Variants in LAMA3 observed in about 807,000 individuals in gnomAD.
LAMA3 encodes laminin subunit alpha 3.
A neutral mutation model predicts 402.0 loss-of-function variants in LAMA3; 281 were observed. That is an observed-to-expected ratio of 0.70 (90% confidence interval 0.63 to 0.77). LAMA3 has a LOEUF of 0.77. LAMA3 is among the 30% of genes least tolerant of loss of function. LAMA3 has a pLI of 0.00. For synonymous variants in LAMA3, 1,431 were observed against 1,558.4 expected (o/e 0.92, Z 1.93); for missense variants, 3,840 against 4,215.5 (o/e 0.91, Z 2.47).
At chr18:23,826,061 C>G (rs2063376493) in intron 21 of LAMA3, among the ~76,000 whole-genome samples, 1 of 152,200 alleles carries the variant, frequency 6.6e-6, no homozygotes, top group South Asian at 2.1e-4. Context: ...TCCCCTCTTC[C>G]CTCTGCAGAT....
chr18:23,816,301 G>C, intron 17 of LAMA3, 87 bp from the exon 18 acceptor site: 1 of 937,958 alleles, frequency 1.1e-6, no homozygotes, highest in Non-Finnish European at 1.7e-6. Context: ...TCACTGGGAT[G>C]GTCAGTTTTC....
intron 32 of LAMA3, among the ~76,000 whole-genome samples, chr18:23,851,138 G>A (rs2144662126): frequency 6.6e-6 from 1 of 152,336 alleles, no homozygotes; most frequent in South Asian, 2.1e-4. Context: ...ACTTGGAGAG[G>A]CAATTTCTTT....
chr18:23,806,366 C>G lies in LAMA3; in HGVS notation c.1604-4000C>G, dbSNP rs140766603. 9.1e-3 allele frequency among the ~76,000 whole-genome samples: 1,390 copies of G among 152,290 alleles called. 9 individuals are homozygous for G. Among genetic ancestry groups the G allele is most frequent in the South Asian group, 0.029 (138 of 4,830 alleles). ...AAGTGTAGCGCACCTTCTCATGGGT[C>G]ATACTTTGTACTTCACCTTTCAGGG... On this transcript the variant is annotated intron_variant, in intron 12 of 74. Coordinates refer to ENST00000313654, the MANE Select transcript of LAMA3 (RefSeq NM_198129.4).
intron 12 of LAMA3, among the ~76,000 whole-genome samples, chr18:23,790,213 T>C (rs780708942): frequency 2.6e-5 from 4 of 152,196 alleles, no homozygotes; most frequent in Non-Finnish European, 5.9e-5. Context: ...AGGGCTATTC[T>C]TCTAAGGCTG....
chr18:23,878,760 A>G (rs12953820), intron 39 of LAMA3, among the ~76,000 whole-genome samples: 72,086 of 152,130 alleles, frequency 0.47, 19,266 homozygotes, highest in Non-Finnish European at 0.62. Flanking sequence ...CCCAGGTGCA[A>G]ATCTTCAAGA....
intron 62 of LAMA3, among the ~76,000 whole-genome samples, chr18:23,927,527 C>G (rs1384935997): frequency 6.6e-6 from 1 of 152,128 alleles, no homozygotes; most frequent in Non-Finnish European, 1.5e-5. Context: ...GTGGTAGATA[C>G]AGCAGCATAT....
intron 67 of LAMA3, among the ~76,000 whole-genome samples, chr18:23,937,672 C>T (rs111270239): frequency 3.3e-5 from 5 of 152,130 alleles, no homozygotes; most frequent in African/African-American, 1.2e-4. Flanking sequence ...GGAGAAGACT[C>T]CAGAGAGGGA....
chr18:23,931,048 T>C lies in LAMA3; in HGVS notation c.8437-14T>C, dbSNP rs1161305155. 6.2e-7 allele frequency: 1 copy of C among 1,611,018 alleles called. No homozygotes were observed. Among genetic ancestry groups the C allele is most frequent in the Non-Finnish European group, 8.5e-7 (1 of 1,177,140 alleles). On this transcript the variant is annotated splice_polypyrimidine_tract_variant and intron_variant, in intron 64 of 74. Coordinates refer to ENST00000313654, the MANE Select transcript of LAMA3 (RefSeq NM_198129.4). The stretch of plus-strand genomic sequence containing the variant: ...TGCAAATTAGTTGATGGGTATTTTC[T>C]ATGGTGATTTCAGACAAGGAACCTG...
intron 1 of LAMA3, among the ~76,000 whole-genome samples, chr18:23,696,661 C>T (rs879462322): frequency 2.4e-4 from 36 of 152,188 alleles, no homozygotes; most frequent in Middle Eastern, 6.8e-3. Flanking sequence ...TGAACACGCC[C>T]GGCTAATTTT....
chr18:23,888,544 G>C (rs189707755), intron 41 of LAMA3, among the ~76,000 whole-genome samples: 9 of 152,052 alleles, frequency 5.9e-5, no homozygotes, highest in African/African-American at 2.2e-4. Context: ...TGGGGGCTGT[G>C]GGGGGGACCG....
At chr18:23,920,825 C>T in intron 60 of LAMA3, 110 bp from the exon 61 acceptor site, 1 of 1,305,736 alleles carries the variant, frequency 7.7e-7, no homozygotes. Context: ...TTCACTGAGG[C>T]AGCAGCTGAA....
chr18:23,774,553 G>T (rs2062272579), intron 9 of LAMA3, among the ~76,000 whole-genome samples: 3 of 152,166 alleles, frequency 2.0e-5, no homozygotes, highest in African/African-American at 7.2e-5. Context: ...CTATTATACA[G>T]AAGAATGCCT....
chr18:23,803,752 A>C (rs1436684868), intron 12 of LAMA3, among the ~76,000 whole-genome samples: 1 of 152,228 alleles, frequency 6.6e-6, no homozygotes, highest in East Asian at 1.9e-4. Flanking sequence ...GATGTCCCAG[A>C]AAGGCACAAA....
intron 70 of LAMA3, among the ~76,000 whole-genome samples, chr18:23,949,095 T>C (rs1281504646): frequency 7.9e-5 from 12 of 152,174 alleles, no homozygotes; most frequent in Non-Finnish European, 1.8e-4. Context: ...AGCCTGTTCC[T>C]GGGCCCCAGG....
chr18:23,797,887 C>T (rs2062796726), intron 12 of LAMA3, among the ~76,000 whole-genome samples: 1 of 151,936 alleles, frequency 6.6e-6, no homozygotes, highest in Non-Finnish European at 1.5e-5. Context: ...CTGAAGTGCC[C>T]TATGGTTTTC....
At position 23,814,615 on chromosome 18, in the gene LAMA3, G is replaced by A. The variant is rs9304386; in HGVS notation, c.1888+113G>A. The A allele has an allele frequency of 0.04, 29,517 of 744,722 alleles. 1,841 individuals carry two copies. Among genetic ancestry groups the A allele is most frequent in the Admixed American group, 0.22 (10,792 of 49,988 alleles). The allele number at this position is 744,722 out of a possible 1,614,324, so 46.1% of individuals were successfully genotyped here. ...TTGTTGAATCACTTCAATTTGACAA[G>A]ATTCTATGTAATGTTCTGATGTTTT... On this transcript the variant is annotated intron_variant, in intron 15 of 74. Transcript: ENST00000313654.
chr18:23,836,778 A>G (rs970781825), intron 24 of LAMA3, among the ~76,000 whole-genome samples: 6 of 152,320 alleles, frequency 3.9e-5, no homozygotes, highest in Middle Eastern at 3.4e-3. Context: ...TGAGAGGTAC[A>G]ACACTGGCCA....
In LAMA3 at chr18:23,914,412, C is replaced by T; in HGVS notation, c.7332C>T (p.Ala2444=). Residue 2444 remains alanine (A), a splice_region_variant and synonymous_variant, in exon 57 of 75, where the codon GCC becomes GCT. Coordinates refer to ENST00000313654, the MANE Select transcript of LAMA3 (RefSeq NM_198129.4). The stretch of plus-strand genomic sequence containing the variant: ...CTGAGGTGGCCCTTTGTCTCCAGGC[C>T]TCCCGGGACTACATCGGCATGGCAG... The part of the protein sequence containing the change: ...MFVMYLGNKD[A]SRDYIGMAVV... 1.2e-6 allele frequency: 2 copies of T among 1,614,120 alleles called. No individual in the cohort carries two copies. Among genetic ancestry groups the T allele is most frequent in the Non-Finnish European group, 8.5e-7 (1 of 1,180,012 alleles).
At chr18:23,851,413 G>C (rs889069863) in intron 32 of LAMA3, among the ~76,000 whole-genome samples, 1 of 152,170 alleles carries the variant, frequency 6.6e-6, no homozygotes, top group African/African-American at 2.4e-5. Context: ...GTTGCGTCCT[G>C]TCTCTGCCGC....
Sources: gnomAD v4.1 joint callset for allele counts (sites outside exome capture counted in the v4.1 genomes callset) on GRCh38, gnomAD v4.1.1 for gene constraint, MANE v1.5 for transcripts, NCBI Gene and HGNC (gene_info 2026-07-23, HGNC 2026-07-21) for gene names.